The following SLC8B1 variants were observed in gnomAD, a reference collection of about 807,000 sequenced individuals.
SLC8B1 encodes mitochondrial sodium/calcium exchanger protein.
A neutral mutation model predicts 63.4 loss-of-function variants in SLC8B1; 52 were observed. The observed-to-expected ratio is 0.82, with a 90% CI of 0.66 to 1.03. SLC8B1 has a LOEUF of 1.03. Ranked by LOEUF, SLC8B1 falls within the 50% of genes least tolerant of loss-of-function variation. The pLI is 0.00. For synonymous variants in SLC8B1, 336 were observed against 323.9 expected (o/e 1.04, Z -0.40); for missense variants, 657 against 741.7 (o/e 0.89, Z 1.33).
intron 1 of SLC8B1, among the ~76,000 whole-genome samples, chr12:113,333,656 GC>G (rs1245334126): frequency 6.7e-6 from 1 of 149,172 alleles, no homozygotes; most frequent in Non-Finnish European, 1.5e-5. Flanking sequence ...TCACCCCCCC[GC>G]CCCCCACCCC....
chr12:113,323,849 G>A (rs1300686465), intron 2 of SLC8B1, among the ~76,000 whole-genome samples: 1 of 152,120 alleles, frequency 6.6e-6, no homozygotes, highest in Admixed American at 6.6e-5. Context: ...CACCAGACTG[G>A]AAGTGAGATT....
chr12:113,332,959 G>A lies in SLC8B1; in HGVS notation c.-81C>T, dbSNP rs1319151747. The A allele has an allele frequency of 1.9e-6, 3 of 1,546,886 alleles. No individual in the cohort carries two copies. The highest frequency in any genetic ancestry group is 2.6e-6 in the Non-Finnish European group (3 of 1,146,246). ...TTCCAAACAGCTGGCGGCTCCGGTGGCCTGCAAGGTGGGAGTGAGAAAGGG... is the reference window on the plus strand; with the variant it reads ...TTCCAAACAGCTGGCGGCTCCGGTGACCTGCAAGGTGGGAGTGAGAAAGGG... On this transcript the variant is annotated splice_region_variant and 5_prime_UTR_variant, in exon 2 of 16. Coordinates refer to ENST00000680972, the MANE Select transcript of SLC8B1 (RefSeq NM_001358345.2).
intron 2 of SLC8B1, among the ~76,000 whole-genome samples, chr12:113,324,760 G>A (rs1413863452): frequency 1.3e-5 from 2 of 150,282 alleles, no homozygotes; most frequent in Non-Finnish European, 3.0e-5. Context: ...CTGGAGTGCA[G>A]TAGAGCAATC....
chr12:113,301,833 C>T (rs927908046), intron 15 of SLC8B1, among the ~76,000 whole-genome samples: 1 of 152,170 alleles, frequency 6.6e-6, no homozygotes, highest in African/African-American at 2.4e-5. Flanking sequence ...GTCCAAGGTG[C>T]TCAGCAGCAC....
At chr12:113,318,370 T>C (rs1005879328) in intron 8 of SLC8B1, among the ~76,000 whole-genome samples, 1 of 149,302 alleles carries the variant, frequency 6.7e-6, no homozygotes, top group Non-Finnish European at 1.5e-5. Context: ...ATGTGTGTTG[T>C]GTGTGTTGTA....
chr12:113,317,380 C>T (rs1017843235), intron 8 of SLC8B1, among the ~76,000 whole-genome samples: 14 of 152,208 alleles, frequency 9.2e-5, no homozygotes, highest in South Asian at 6.2e-4. Context: ...TGAGCCACTG[C>T]GCCCGGCCAC....
At position 113,307,747 on chromosome 12, in the gene SLC8B1, C is replaced by T. The variant is rs201436568; in HGVS notation, c.1355G>A (p.Arg452Gln). The change falls in exon 13 of 16, where the codon CGG becomes CAG. Residue 452 changes from arginine (R) to glutamine (Q), a missense_variant. Physicochemically the swap from Arg to Gln is conservative, Grantham distance 43. Transcript: ENST00000680972. ...GAGCCCCAGCACAGTGTTGCTCAGC[C>T]GGAAGACCACACCCAGGGACCGCAA... The part of the protein sequence containing the change: ...NILRSLGVVF[R>Q]LSNTVLGLTL... The T allele has an allele frequency of 1.6e-4, 259 of 1,614,018 alleles. No homozygotes were observed. The highest frequency in any genetic ancestry group is 2.1e-4 in the Non-Finnish European group (247 of 1,180,028).
rs1266044650 is a variant in SLC8B1, at chr12:113,305,231, G to A, written c.1493-846C>T. ...TCCCAGCCAACCTGGGAGGTCAGGCGAGGCTGCAGCCCGAAAGCCAGGAGT... is the reference window on the plus strand; with the variant it reads ...TCCCAGCCAACCTGGGAGGTCAGGCAAGGCTGCAGCCCGAAAGCCAGGAGT... On this transcript the variant is annotated intron_variant, in intron 14 of 15. Transcript: ENST00000680972. This position sits in a 1 kb window ranked among gnomAD's most constrained non-coding sequence, Gnocchi z 4.3. Among the ~76,000 whole-genome samples the A allele has an allele frequency of 1.3e-5, 2 of 152,224 alleles. No individual in the cohort carries two copies. Among genetic ancestry groups the A allele is most frequent in the African/African-American group, 4.8e-5 (2 of 41,464 alleles).
rs1222727025 is a variant in SLC8B1, at chr12:113,323,202, CA to C, written c.157-1855del. ...CAATAAACTGGCAACTGGAAGTCAA[CA>C]AAAGCCCACCAAAATAGTACAGTCC... is the stretch of plus-strand genomic sequence containing the variant. On this transcript the variant is annotated intron_variant, in intron 2 of 15. Coordinates refer to ENST00000680972, the MANE Select transcript of SLC8B1 (RefSeq NM_001358345.2). Among the ~76,000 whole-genome samples the C allele has an allele frequency of 2.0e-5, 3 of 152,294 alleles. No individual in the cohort carries two copies. In the South Asian group the frequency reaches 6.2e-4, roughly 32 times the overall value.
intron 13 of SLC8B1, among the ~76,000 whole-genome samples, chr12:113,307,459 C>A (rs1956691555): frequency 6.6e-6 from 1 of 152,158 alleles, no homozygotes; most frequent in African/African-American, 2.4e-5. Flanking sequence ...CGACCATCCC[C>A]GCATCAGAGG....
chr12:113,325,424 T>G (rs918388836), intron 2 of SLC8B1, among the ~76,000 whole-genome samples: 5 of 152,042 alleles, frequency 3.3e-5, no homozygotes, highest in Non-Finnish European at 7.4e-5. Context: ...CAGTTAATTT[T>G]TTTAAAAATT....
intron 2 of SLC8B1, among the ~76,000 whole-genome samples, chr12:113,322,876 G>A (rs1036599641): frequency 6.6e-6 from 1 of 152,186 alleles, no homozygotes; most frequent in Non-Finnish European, 1.5e-5. Flanking sequence ...CCTGAGCCTG[G>A]AAGTTCAAGG....
rs1244530251 is a variant in SLC8B1 at position 113,310,321 on chromosome 12, G to C, written c.1170C>G (p.Val390=). The change falls in exon 12 of 16, where the codon GTC becomes GTG. Residue 390 remains valine, a synonymous_variant. Transcript: ENST00000680972. ...TGCCTGCGATCACCACCACGACCCAGACGGGAACGAGGCCGCCTATCTCAT... is the reference window on the plus strand; with the variant it reads ...TGCCTGCGATCACCACCACGACCCACACGGGAACGAGGCCGCCTATCTCAT... The part of the protein sequence containing the change: ...GVYEIGGLVP[V]WVVVVIAGTA... The C allele has an allele frequency of 1.9e-6, 3 of 1,614,036 alleles. No homozygotes were observed. Among genetic ancestry groups the C allele is most frequent in the Non-Finnish European group, 2.5e-6 (3 of 1,179,996 alleles).
intron 15 of SLC8B1, 110 bp from the exon 16 acceptor site, chr12:113,300,084 A>C: frequency 4.9e-6 from 4 of 817,632 alleles, no homozygotes; most frequent in East Asian, 4.2e-5. Context: ...CTCAACAACA[A>C]TGCAGCCTCA....
At chr12:113,300,978 A>G (rs1173350972) in intron 15 of SLC8B1, among the ~76,000 whole-genome samples, 3 of 152,162 alleles carry the variant, frequency 2.0e-5, no homozygotes, top group South Asian at 4.1e-4. Context: ...TCTATTAAAA[A>G]TACCAAAATT....
At chr12:113,327,401 C>T (rs1322472019) in intron 2 of SLC8B1, among the ~76,000 whole-genome samples, 2 of 152,128 alleles carry the variant, frequency 1.3e-5, no homozygotes, top group Non-Finnish European at 2.9e-5. Flanking sequence ...CACCCACAAG[C>T]CTAGACAGGA....
At chr12:113,315,210 CGA>C in intron 11 of SLC8B1, 123 bp downstream of exon 11, 1 of 1,015,898 alleles carries the variant, frequency 9.8e-7, no homozygotes. Flanking sequence ...TGCTTGAACC[CGA>C]GAGGTGGAGG....
chr12:113,311,099 G>A (rs770464005), intron 11 of SLC8B1, among the ~76,000 whole-genome samples: 3 of 152,188 alleles, frequency 2.0e-5, no homozygotes, highest in Non-Finnish European at 4.4e-5. Context: ...CAGATCGCTT[G>A]AGCCCAGGAG....
intron 2 of SLC8B1, among the ~76,000 whole-genome samples, chr12:113,330,169 C>A (rs1374001078): frequency 2.6e-5 from 4 of 152,194 alleles, no homozygotes; most frequent in Non-Finnish European, 5.9e-5. Context: ...TCCAGGGGGG[C>A]AGGGACCAGG....
Sources: allele counts gnomAD v4.1 joint callset (sites outside exome capture counted in the v4.1 genomes callset), GRCh38; gene constraint gnomAD v4.1.1; non-coding constraint Gnocchi (gnomAD v3.1); transcripts MANE v1.5; gene names NCBI Gene and HGNC (gene_info 2026-07-23, HGNC 2026-07-21).